KIAA1958: variants seen among roughly 807,000 people sequenced by gnomAD.
KIAA1958 encodes the protein KIAA1958, also known as uncharacterized protein KIAA1958.
A neutral mutation model predicts 47.2 loss-of-function variants in KIAA1958; 14 were observed. The observed-to-expected ratio is 0.30, with a 90% confidence interval of 0.20 to 0.46. The LOEUF is 0.46. Among genes scored for constraint, KIAA1958 ranks in the 20% least tolerant of loss-of-function variants. The probability of loss-of-function intolerance (pLI) is 1.00; values close to 1 mark genes in which losing one functional copy is unlikely to be tolerated. For synonymous variants in KIAA1958, 354 were observed against 353.3 expected (o/e 1.00, Z -0.02); for missense variants, 803 against 909.2 (o/e 0.88, Z 1.50).
At chr9:112,647,857 A>G (rs1345132935) in intron 3 of KIAA1958, among the ~76,000 whole-genome samples, 2 of 152,256 alleles carry the variant, frequency 1.3e-5, no homozygotes, top group East Asian at 3.8e-4. Context: ...AAAGTTTGGC[A>G]ATCTCACTAA....
At chr9:112,515,244 T>TCC (rs1834400642) in intron 1 of KIAA1958, among the ~76,000 whole-genome samples, 1 of 59,784 alleles carries the variant, frequency 1.7e-5, no homozygotes, top group Non-Finnish European at 3.6e-5. Context: ...CCAGCCGCCC[T>TCC]GTCCGGGAGG....
At chr9:112,658,095 G>T (rs992203466) in intron 3 of KIAA1958, among the ~76,000 whole-genome samples, 1 of 152,112 alleles carries the variant, frequency 6.6e-6, no homozygotes, top group African/African-American at 2.4e-5. Flanking sequence ...GACTTCAGGT[G>T]ATCTGCCCAC....
At chr9:112,512,573 C>G (rs141144771) in intron 1 of KIAA1958, among the ~76,000 whole-genome samples, 8 of 152,306 alleles carry the variant, frequency 5.3e-5, no homozygotes, top group Admixed American at 1.3e-4. Context: ...ACTGAATGCT[C>G]TCAATTCAGA....
intron 2 of KIAA1958, among the ~76,000 whole-genome samples, chr9:112,592,062 A>C (rs1044706125): frequency 6.6e-6 from 1 of 152,066 alleles, no homozygotes; most frequent in Non-Finnish European, 1.5e-5. Context: ...ATTTAAAGAG[A>C]GTGACAGGGT....
intron 1 of KIAA1958, among the ~76,000 whole-genome samples, chr9:112,515,325 C>T (rs1339447288): frequency 7.0e-6 from 1 of 143,628 alleles, no homozygotes; most frequent in Non-Finnish European, 1.5e-5. Context: ...CTCTGCCCGG[C>T]CGCCCCTACT....
At chr9:112,590,190 C>T (rs908567169) in intron 2 of KIAA1958, among the ~76,000 whole-genome samples, 2 of 152,028 alleles carry the variant, frequency 1.3e-5, no homozygotes, top group Non-Finnish European at 1.5e-5. Flanking sequence ...TAATGAGGTC[C>T]CTGAATGATT....
At chr9:112,541,730 G>T (rs1031914769) in intron 1 of KIAA1958, among the ~76,000 whole-genome samples, 1 of 152,026 alleles carries the variant, frequency 6.6e-6, no homozygotes, top group African/African-American at 2.4e-5. Context: ...GCTTGAACCC[G>T]GGAGGCAGAG....
intron 1 of KIAA1958, among the ~76,000 whole-genome samples, chr9:112,521,506 G>A (rs1206163945): frequency 6.6e-6 from 1 of 152,106 alleles, no homozygotes; most frequent in Non-Finnish European, 1.5e-5. Flanking sequence ...GAGCTACCAT[G>A]CCAGGCCCTC....
In KIAA1958 at chr9:112,659,600, A is replaced by G. The variant is rs1466376881; in HGVS notation, c.1682A>G (p.Lys561Arg). 1 of 1,613,916 alleles carries G rather than the reference A, an allele frequency of 6.2e-7. No homozygotes were observed. The highest frequency in any genetic ancestry group is 1.1e-5 in the South Asian group (1 of 91,024). The change falls in exon 4 of 4, where the codon AAG (lysine) becomes AGG (arginine). Residue 561 changes from lysine (K) to arginine (R), a missense_variant. Coordinates refer to ENST00000337530, the MANE Select transcript of KIAA1958 (RefSeq NM_133465.4). ...SPITLLSTVVKYNSQYLNMRT... is the reference protein window; with the variant it reads ...SPITLLSTVVRYNSQYLNMRT... ...ATCACTCTCCTGTCCACTGTGGTCA[A>G]GTACAACAGCCAGTACCTGAACATG...
intron 3 of KIAA1958, among the ~76,000 whole-genome samples, chr9:112,650,754 A>AT (rs1219836812): frequency 1.3e-5 from 2 of 152,172 alleles, no homozygotes; most frequent in Non-Finnish European, 2.9e-5. Flanking sequence ...GTCGGACTGG[A>AT]TTTTTTAAAA....
rs148081744 is a variant in KIAA1958 at position 112,490,718 on chromosome 9, T to C, written c.-25+3600T>C. Among the ~76,000 whole-genome samples the C allele has an allele frequency of 4.6e-5, 7 of 152,364 alleles. No individual in the cohort carries two copies. The East Asian group carries it at 9.6e-4, about 21-fold the overall frequency. On this transcript the variant is annotated intron_variant, in intron 1 of 3. Transcript: ENST00000337530. ...GGCTTTTCTGGAGAAAGGCAAATTATGCAGCCGTATTCAAGTTTGTTTTGC... is the reference window on the plus strand; with the variant it reads ...GGCTTTTCTGGAGAAAGGCAAATTACGCAGCCGTATTCAAGTTTGTTTTGC...
intron 1 of KIAA1958, among the ~76,000 whole-genome samples, chr9:112,563,101 AT>A (rs1835366247): frequency 7.0e-6 from 1 of 143,830 alleles, no homozygotes. Flanking sequence ...ATATATATAA[AT>A]TTTTTTTAAT....
chr9:112,524,182 G>A (rs956574434), intron 1 of KIAA1958, among the ~76,000 whole-genome samples: 1 of 152,246 alleles, frequency 6.6e-6, no homozygotes, highest in Non-Finnish European at 1.5e-5. Context: ...CGTGAGATTT[G>A]AGAAGGGGTT....
chr9:112,536,977 T>A (rs1834865342), intron 1 of KIAA1958, among the ~76,000 whole-genome samples: 1 of 152,140 alleles, frequency 6.6e-6, no homozygotes, highest in African/African-American at 2.4e-5. Context: ...GTTTATAAAT[T>A]GGACTACTTT....
chr9:112,656,623 G>T (rs893788379), intron 3 of KIAA1958, among the ~76,000 whole-genome samples: 7 of 151,874 alleles, frequency 4.6e-5, no homozygotes, highest in Non-Finnish European at 1.0e-4. Flanking sequence ...GTCAGATTTG[G>T]GCTAGAAAAA....
chr9:112,593,371 G>T (rs1269915108), intron 2 of KIAA1958, among the ~76,000 whole-genome samples: 1 of 152,138 alleles, frequency 6.6e-6, no homozygotes, highest in African/African-American at 2.4e-5. Flanking sequence ...CACGGAGGGG[G>T]TCAGTGAAAG....
At chr9:112,512,102 G>C (rs914849634) in intron 1 of KIAA1958, among the ~76,000 whole-genome samples, 13 of 152,270 alleles carry the variant, frequency 8.5e-5, no homozygotes, top group Non-Finnish European at 1.6e-4. Flanking sequence ...ATTTAGGGAA[G>C]ACATAGTATT....
chr9:112,572,402 C>G lies in KIAA1958; in HGVS notation c.-24-1655C>G, dbSNP rs75307269. Among the ~76,000 whole-genome samples, 794 of 152,204 alleles carry G rather than the reference C, an allele frequency of 5.2e-3. 10 individuals carry two copies. The highest frequency in any genetic ancestry group is 0.018 in the African/African-American group (754 of 41,522). On this transcript the variant is annotated intron_variant, in intron 1 of 3. Coordinates refer to ENST00000337530, the MANE Select transcript of KIAA1958 (RefSeq NM_133465.4). ...ATAATGTCCCAAGAACAGGACCATG[C>G]CTTTTGAATTTCCATATCCCCAAGT... is the stretch of plus-strand genomic sequence containing the variant.
intron 3 of KIAA1958, among the ~76,000 whole-genome samples, chr9:112,655,246 AATTAT>A (rs1837129420): frequency 6.6e-6 from 1 of 152,180 alleles, no homozygotes; most frequent in African/African-American, 2.4e-5. Flanking sequence ...TGTGAATGTC[AATTAT>A]ATTAAAATAT....
Sources: allele counts gnomAD v4.1 joint callset (sites outside exome capture counted in the v4.1 genomes callset), GRCh38; gene constraint gnomAD v4.1.1; transcripts MANE v1.5; gene names NCBI Gene and HGNC (gene_info 2026-07-23, HGNC 2026-07-21).